Variants in XKR4 observed in about 807,000 individuals in gnomAD.
The protein encoded by XKR4 is XK related 4, also known as XK-related protein 4.
A neutral mutation model predicts 53.9 loss-of-function variants in XKR4; 12 were observed. The ratio of observed to expected loss-of-function variants is 0.22; its 90% CI spans 0.14 to 0.36. The LOEUF (loss-of-function observed/expected upper bound fraction) is 0.36, where lower values mean the gene tolerates loss of function less well. Ranked by LOEUF, XKR4 falls within the 10% of genes least tolerant of loss-of-function variation. The pLI is 1.00. For synonymous variants in XKR4, 354 were observed against 362.4 expected (o/e 0.98, Z 0.26); for missense variants, 799 against 859.5 (o/e 0.93, Z 0.88).
At chr8:55,140,164 CTGAG>C (rs1563466446) in intron 1 of XKR4, 3 of 434,000 alleles carry the variant, frequency 6.9e-6, no homozygotes, top group Non-Finnish European at 9.2e-6. Context: ...GGTATCTTGA[CTGAG>C]TGTCTTTTCT....
intron 2 of XKR4, among the ~76,000 whole-genome samples, chr8:55,449,086 TAA>T (rs11371239): frequency 0.14 from 21,520 of 148,536 alleles, 2,103 homozygotes; most frequent in East Asian, 0.42. Context: ...CCTCTCAGGT[TAA>T]AAAAAAAAAC....
intron 1 of XKR4, among the ~76,000 whole-genome samples, chr8:55,194,720 CA>C (rs1396966201): frequency 6.6e-6 from 1 of 152,132 alleles, no homozygotes; most frequent in African/African-American, 2.4e-5. Context: ...GAGATGCACC[CA>C]TTTGGAGCCC....
chr8:55,356,591 A>AGTAT (rs1482470655), intron 1 of XKR4, among the ~76,000 whole-genome samples: 1 of 50,604 alleles, frequency 2.0e-5, no homozygotes, highest in Non-Finnish European at 3.7e-5. Context: ...TTAAGAAATT[A>AGTAT]CTATATTTGT....
intron 2 of XKR4, among the ~76,000 whole-genome samples, chr8:55,379,384 A>G (rs539678162): frequency 1.3e-5 from 2 of 152,314 alleles, no homozygotes; most frequent in Admixed American, 1.3e-4. Context: ...GGACTAGGAT[A>G]CTCACCATAC....
At chr8:55,353,499 G>A (rs1803755428) in intron 1 of XKR4, among the ~76,000 whole-genome samples, 1 of 152,142 alleles carries the variant, frequency 6.6e-6, no homozygotes, top group Non-Finnish European at 1.5e-5. Context: ...GACTTCAGGA[G>A]GAATGAACTC....
chr8:55,292,094 G>T (rs1342938175), intron 1 of XKR4, among the ~76,000 whole-genome samples: 1 of 151,998 alleles, frequency 6.6e-6, no homozygotes, highest in African/African-American at 2.4e-5. Context: ...TTTTGTTAAA[G>T]ATTCTTTAGT....
At chr8:55,361,675 C>T (rs1486119021) in intron 2 of XKR4, among the ~76,000 whole-genome samples, 1 of 152,042 alleles carries the variant, frequency 6.6e-6, no homozygotes, top group African/African-American at 2.4e-5. Context: ...CCTTGGCACT[C>T]ATTAAAATTA....
intron 1 of XKR4, among the ~76,000 whole-genome samples, chr8:55,302,379 T>G (rs1372791782): frequency 6.6e-6 from 1 of 151,420 alleles, no homozygotes; most frequent in Non-Finnish European, 1.5e-5. Context: ...ACCAGTACCA[T>G]GCTGTTTTGG....
At chr8:55,110,880 C>T (rs1192164217) in intron 1 of XKR4, among the ~76,000 whole-genome samples, 6 of 152,094 alleles carry the variant, frequency 3.9e-5, no homozygotes, top group Admixed American at 3.3e-4. Context: ...TAATTCTTAT[C>T]ATCATAAAAC....
At chr8:55,370,422 T>C (rs1308370631) in intron 2 of XKR4, among the ~76,000 whole-genome samples, 3 of 152,206 alleles carry the variant, frequency 2.0e-5, no homozygotes, top group African/African-American at 7.2e-5. Context: ...GTATCCACCT[T>C]CATAATAAGC....
chr8:55,193,100 GA>G (rs397935920), intron 1 of XKR4, among the ~76,000 whole-genome samples: 1 of 142,478 alleles, frequency 7.0e-6, no homozygotes, highest in Non-Finnish European at 1.5e-5. Flanking sequence ...GTCTTCGGAT[GA>G]AAAAAATTCA....
chr8:55,358,868 C>T (rs1484918724), intron 2 of XKR4, among the ~76,000 whole-genome samples: 3 of 152,218 alleles, frequency 2.0e-5, no homozygotes, highest in East Asian at 1.9e-4. Context: ...GGAATCTCCT[C>T]ACTGTCCTTA....
At chr8:55,167,638 G>GAGAT (rs1817088430) in intron 1 of XKR4, among the ~76,000 whole-genome samples, 1 of 152,196 alleles carries the variant, frequency 6.6e-6, no homozygotes, top group African/African-American at 2.4e-5. Context: ...CTGAGATTCA[G>GAGAT]TAGTTTATCT....
At chr8:55,498,689 C>T (rs777393856) in intron 2 of XKR4, among the ~76,000 whole-genome samples, 1 of 152,138 alleles carries the variant, frequency 6.6e-6, no homozygotes, top group Non-Finnish European at 1.5e-5. Context: ...AGGAGGATCG[C>T]TTGAGGCCAG....
At chr8:55,445,951 G>A (rs1311356752) in intron 2 of XKR4, among the ~76,000 whole-genome samples, 3 of 152,220 alleles carry the variant, frequency 2.0e-5, no homozygotes, top group African/African-American at 4.8e-5. Context: ...GCCTCCGACT[G>A]CATACTTCTG....
At chr8:55,290,589 C>T (rs540739474) in intron 1 of XKR4, among the ~76,000 whole-genome samples, 1 of 152,178 alleles carries the variant, frequency 6.6e-6, no homozygotes, top group Non-Finnish European at 1.5e-5. Flanking sequence ...CCTGCACCAC[C>T]CCCAACAGGC....
At chr8:55,371,239 G>A (rs1804066043) in intron 2 of XKR4, among the ~76,000 whole-genome samples, 1 of 151,808 alleles carries the variant, frequency 6.6e-6, no homozygotes, top group South Asian at 2.1e-4. Context: ...ATGATATTCT[G>A]TAAGGAAAAG....
intron 1 of XKR4, among the ~76,000 whole-genome samples, chr8:55,236,268 G>C (rs1440606696): frequency 1.3e-5 from 2 of 152,158 alleles, no homozygotes; most frequent in Admixed American, 1.3e-4. Context: ...CCTTACCTTT[G>C]AATGGAAAAT....
At chr8:55,474,239 TACTA>T (rs1368771235) in intron 2 of XKR4, among the ~76,000 whole-genome samples, 2 of 152,080 alleles carry the variant, frequency 1.3e-5, no homozygotes, top group Non-Finnish European at 2.9e-5. Flanking sequence ...GAAGCACACT[TACTA>T]ACTTACTGAT....
Sources: allele counts gnomAD v4.1 joint callset (sites outside exome capture counted in the v4.1 genomes callset), GRCh38; gene constraint gnomAD v4.1.1; transcripts MANE v1.5; gene names NCBI Gene and HGNC (gene_info 2026-07-23, HGNC 2026-07-21).